The following CAMKMT variants were observed in gnomAD, a reference collection of about 807,000 sequenced individuals.
CAMKMT encodes CaM KMT.
In CAMKMT, 53 loss-of-function variants were observed where a neutral mutation model predicts 48.0. The ratio of observed to expected loss-of-function variants is 1.10; its 90% CI spans 0.89 to 1.39. CAMKMT has a LOEUF of 1.39. CAMKMT is among the 40% of genes most tolerant of loss of function. The pLI, the probability that CAMKMT is intolerant of heterozygous loss-of-function variation, is 0.00. For missense variants in CAMKMT, 428 were observed against 402.7 expected, an observed-to-expected ratio of 1.06 and a Z score of -0.54; for synonymous variants, 165 against 152.3, an observed-to-expected ratio of 1.08 and a Z score of -0.61.
At chr2:44,589,896 G>C (rs7590239) in intron 3 of CAMKMT, among the ~76,000 whole-genome samples, 1 of 60,374 alleles carries the variant, frequency 1.7e-5, no homozygotes. Context: ...AAAAAAAAAA[G>C]AAAAAAAAAA....
In CAMKMT at chr2:44,503,957, GAA is replaced by G. The variant is rs570000789; in HGVS notation, c.376+113655_376+113656del. The stretch of plus-strand genomic sequence containing the variant: ...CTTGTGGAGAGAGGTAGAGAAAGAG[GAA>G]AAGAGAGAGGGGAAGAGCGGGTGGG... On this transcript the variant is annotated intron_variant, in intron 3 of 10. Coordinates refer to ENST00000378494, the MANE Select transcript of CAMKMT (RefSeq NM_024766.5). Among the ~76,000 whole-genome samples the G allele has an allele frequency of 2.0e-3, 282 of 144,212 alleles. 2 individuals carry two copies. The highest frequency in any genetic ancestry group is 1.8e-3 in the Non-Finnish European group (117 of 66,434). 94.6% of individuals were successfully genotyped at this position (144,212 alleles called of 152,430 possible). A position where few individuals can be genotyped will look rare whatever the true frequency, so the allele number is the denominator to read the frequency against.
Position 44,661,032 on chromosome 2 carries a change from T to C in CAMKMT, c.377-43251T>C, listed in dbSNP as rs565937709. ...ATAAGAAAACTTAGCTTTTTTACCCTTCCAATCTATAGTGGTAAAGTTGCT... is the reference window on the plus strand; with the variant it reads ...ATAAGAAAACTTAGCTTTTTTACCCCTCCAATCTATAGTGGTAAAGTTGCT... On this transcript the variant is annotated intron_variant, in intron 3 of 10. Transcript: ENST00000378494. 1.1e-4 allele frequency among the ~76,000 whole-genome samples: 16 copies of C among 152,332 alleles called. No homozygotes were observed. The South Asian group carries it at 3.3e-3, about 32-fold the overall frequency.
chr2:44,596,207 G>A (rs1021433901), intron 3 of CAMKMT, among the ~76,000 whole-genome samples: 1 of 152,004 alleles, frequency 6.6e-6, no homozygotes, highest in Non-Finnish European at 1.5e-5. Flanking sequence ...CAAGCACTTT[G>A]GGAGGACGAG....
intron 7 of CAMKMT, among the ~76,000 whole-genome samples, chr2:44,733,888 A>C (rs926034575): frequency 6.6e-6 from 1 of 151,992 alleles, no homozygotes; most frequent in Non-Finnish European, 1.5e-5. Flanking sequence ...TTATCCTCTT[A>C]ATATTTATGG....
chr2:44,526,273 A>T (rs539973723), intron 3 of CAMKMT, among the ~76,000 whole-genome samples: 218 of 152,352 alleles, frequency 1.4e-3, no homozygotes, highest in African/African-American at 5.1e-3. Flanking sequence ...TAGAAAATGT[A>T]TAATGCTAAG....
chr2:44,633,939 G>GT (rs1672980216), intron 3 of CAMKMT, among the ~76,000 whole-genome samples: 1 of 151,624 alleles, frequency 6.6e-6, no homozygotes, highest in Non-Finnish European at 1.5e-5. Context: ...TGGTTTTTGG[G>GT]GTTTTTTTAA....
intron 3 of CAMKMT, among the ~76,000 whole-genome samples, chr2:44,656,843 C>A (rs1674407110): frequency 1.3e-5 from 2 of 152,098 alleles, no homozygotes; most frequent in African/African-American, 4.8e-5. Context: ...TGAGGTAGCA[C>A]ACTTAAACTT....
At chr2:44,390,411 G>C in intron 3 of CAMKMT, 106 bp downstream of exon 3, 1 of 741,548 alleles carries the variant, frequency 1.3e-6, no homozygotes, top group Non-Finnish European at 2.1e-6. Context: ...CTAAATGTAT[G>C]CATATATGTA....
intron 2 of CAMKMT, among the ~76,000 whole-genome samples, chr2:44,389,968 A>G (rs1681164832): frequency 6.6e-6 from 1 of 152,190 alleles, no homozygotes; most frequent in Admixed American, 6.5e-5. Context: ...ACTTCCCTTT[A>G]CATAATGAAA....
At chr2:44,769,539 T>G (rs1203800961) in intron 10 of CAMKMT, among the ~76,000 whole-genome samples, 4 of 152,202 alleles carry the variant, frequency 2.6e-5, no homozygotes, top group Non-Finnish European at 5.9e-5. Flanking sequence ...TAGCAAATCG[T>G]TTTGTAAGGT....
chr2:44,395,293 A>G (rs1241261596), intron 3 of CAMKMT, among the ~76,000 whole-genome samples: 1 of 152,172 alleles, frequency 6.6e-6, no homozygotes, highest in Non-Finnish European at 1.5e-5. Context: ...TAGTTATATA[A>G]TGCATATATG....
At chr2:44,567,967 T>C (rs186172278) in intron 3 of CAMKMT, among the ~76,000 whole-genome samples, 2 of 151,908 alleles carry the variant, frequency 1.3e-5, no homozygotes, top group African/African-American at 4.8e-5. Flanking sequence ...TACAAGTAAG[T>C]ACTGGGGACC....
chr2:44,609,341 T>C (rs1572910898), intron 3 of CAMKMT, among the ~76,000 whole-genome samples: 1 of 152,148 alleles, frequency 6.6e-6, no homozygotes. Context: ...AAATGCAGAG[T>C]GGATGTTAAG....
chr2:44,531,736 A>G (rs993470049), intron 3 of CAMKMT, among the ~76,000 whole-genome samples: 3 of 152,156 alleles, frequency 2.0e-5, no homozygotes, highest in African/African-American at 7.2e-5. Flanking sequence ...TGTTATTGCA[A>G]TTTTGATAAA....
At chr2:44,634,467 C>G (rs12987925) in intron 3 of CAMKMT, among the ~76,000 whole-genome samples, 83,564 of 151,630 alleles carry the variant, frequency 0.55, 24,832 homozygotes, top group Admixed American at 0.66. Flanking sequence ...CTAGTACCAG[C>G]TTTCAGTCAT....
At chr2:44,700,215 G>A (rs565311239) in intron 3 of CAMKMT, among the ~76,000 whole-genome samples, 37 of 152,284 alleles carry the variant, frequency 2.4e-4, no homozygotes, top group African/African-American at 8.9e-4. Flanking sequence ...CTCTGGATTG[G>A]GCTTTGGCTT....
At chr2:44,550,489 A>G (rs958351869) in intron 3 of CAMKMT, among the ~76,000 whole-genome samples, 6 of 152,224 alleles carry the variant, frequency 3.9e-5, no homozygotes, top group African/African-American at 1.4e-4. Flanking sequence ...TATGAAGATG[A>G]ATAGTAAAGG....
chr2:44,660,150 T>C (rs541184561), intron 3 of CAMKMT, among the ~76,000 whole-genome samples: 304 of 152,332 alleles, frequency 2.0e-3, no homozygotes, highest in African/African-American at 7.1e-3. Flanking sequence ...GGTAAAACAT[T>C]CTTATAGAAG....
chr2:44,518,702 G>T (rs1389813167), intron 3 of CAMKMT, among the ~76,000 whole-genome samples: 2 of 152,184 alleles, frequency 1.3e-5, no homozygotes, highest in Non-Finnish European at 2.9e-5. Context: ...ATGATATTCT[G>T]TATTCGCCAG....
Sources: gnomAD v4.1 joint callset for allele counts (sites outside exome capture counted in the v4.1 genomes callset) on GRCh38, gnomAD v4.1.1 for gene constraint, MANE v1.5 for transcripts, NCBI Gene and HGNC (gene_info 2026-07-23, HGNC 2026-07-21) for gene names.